The following PCDH9 variants were observed in gnomAD, a reference collection of about 807,000 sequenced individuals.
PCDH9 encodes the protein protocadherin-9.
In PCDH9, 24 loss-of-function variants were observed where a neutral mutation model predicts 70.6. That is an observed-to-expected ratio of 0.34 (90% CI 0.25 to 0.48). The LOEUF is 0.48. Among genes scored for constraint, PCDH9 ranks in the 20% least tolerant of loss-of-function variants. The probability of loss-of-function intolerance (pLI) is 0.99; values close to 1 mark genes in which losing one functional copy is unlikely to be tolerated. For missense variants in PCDH9, 1,281 were observed against 1,503.6 expected (o/e 0.85, Z 2.45); for synonymous variants, 562 against 558.5 (o/e 1.01, Z -0.09).
intron 2 of PCDH9, among the ~76,000 whole-genome samples, chr13:67,138,516 C>T (rs1036855848): frequency 6.6e-6 from 1 of 152,252 alleles, no homozygotes; most frequent in East Asian, 1.9e-4. Flanking sequence ...GAAATATCTG[C>T]TCCAGAGGGC....
At chr13:66,779,849 C>G (rs9540909) in intron 3 of PCDH9, among the ~76,000 whole-genome samples, 12 of 78,910 alleles carry the variant, frequency 1.5e-4, no homozygotes, top group African/African-American at 6.2e-4. Context: ...CTCTCTCTCT[C>G]TATATATATA....
chr13:66,860,412 C>A (rs1395381740), intron 3 of PCDH9, among the ~76,000 whole-genome samples: 4 of 152,188 alleles, frequency 2.6e-5, no homozygotes, highest in Admixed American at 2.0e-4. Flanking sequence ...TAGCTAACAC[C>A]AGTTTCCGGT....
chr13:66,818,642 G>T (rs888500928), intron 3 of PCDH9, among the ~76,000 whole-genome samples: 4 of 152,128 alleles, frequency 2.6e-5, no homozygotes, highest in African/African-American at 7.2e-5. Context: ...CTGTCAAAAA[G>T]GTGTGATGGG....
intron 2 of PCDH9, among the ~76,000 whole-genome samples, chr13:67,098,706 G>T (rs1242568110): frequency 6.6e-6 from 1 of 151,472 alleles, no homozygotes; most frequent in East Asian, 1.9e-4. Flanking sequence ...TCATTGCTTG[G>T]AAATACAAAT....
chr13:66,607,933 T>C (rs2077242005), intron 4 of PCDH9, among the ~76,000 whole-genome samples: 2 of 152,114 alleles, frequency 1.3e-5, no homozygotes, highest in Non-Finnish European at 2.9e-5. Context: ...GAATGAAATA[T>C]AGCAGATTGC....
chr13:66,917,434 A>G (rs2082574316), intron 2 of PCDH9, among the ~76,000 whole-genome samples: 2 of 151,544 alleles, frequency 1.3e-5, no homozygotes, highest in South Asian at 2.1e-4. Context: ...TTTTTGAAAC[A>G]TAACCACTAA....
chr13:67,175,693 A>C (rs1342250178), intron 2 of PCDH9, among the ~76,000 whole-genome samples: 1 of 152,188 alleles, frequency 6.6e-6, no homozygotes, highest in Non-Finnish European at 1.5e-5. Flanking sequence ...AGAGAAATGA[A>C]AACTATATCA....
intron 3 of PCDH9, among the ~76,000 whole-genome samples, 175 bp downstream of exon 3, chr13:66,903,329 G>A (rs2082307645): frequency 6.6e-6 from 1 of 151,622 alleles, no homozygotes. Flanking sequence ...TATATCGCTG[G>A]ATTTTTGTTC....
At chr13:66,630,705 C>T (rs1477866263) in intron 4 of PCDH9, 1 of 39,290 alleles carries the variant, frequency 2.5e-5, no homozygotes, top group African/African-American at 4.8e-5. Flanking sequence ...ATGATTTAAT[C>T]CTTTTTTTTT....
At chr13:66,829,057 G>A (rs2080876518) in intron 3 of PCDH9, among the ~76,000 whole-genome samples, 1 of 151,866 alleles carries the variant, frequency 6.6e-6, no homozygotes, top group African/African-American at 2.4e-5. Context: ...TTTCGCACTT[G>A]TCCAGGCTGG....
intron 2 of PCDH9, among the ~76,000 whole-genome samples, chr13:66,972,997 C>A (rs889556488): frequency 6.6e-6 from 1 of 151,968 alleles, no homozygotes; most frequent in African/African-American, 2.4e-5. Flanking sequence ...GACTTTCTTT[C>A]TTTCCCTGTT....
chr13:66,423,021 G>A (rs753095954), intron 4 of PCDH9, among the ~76,000 whole-genome samples: 7 of 151,784 alleles, frequency 4.6e-5, no homozygotes, highest in Non-Finnish European at 1.0e-4. Context: ...AAAAAATACT[G>A]TAAACACCTC....
At chr13:66,402,739 C>G (rs117560079) in intron 4 of PCDH9, among the ~76,000 whole-genome samples, 1 of 152,092 alleles carries the variant, frequency 6.6e-6, no homozygotes, top group Non-Finnish European at 1.5e-5. Context: ...CATGTTGACT[C>G]TTGACTTAGT....
At chr13:67,137,997 T>G (rs1437956419) in intron 2 of PCDH9, among the ~76,000 whole-genome samples, 1 of 152,176 alleles carries the variant, frequency 6.6e-6, no homozygotes, top group Non-Finnish European at 1.5e-5. Flanking sequence ...TAAATCATGT[T>G]CTATGACACA....
chr13:66,713,179 G>A (rs2078818539), intron 3 of PCDH9, among the ~76,000 whole-genome samples: 1 of 152,058 alleles, frequency 6.6e-6, no homozygotes, highest in South Asian at 2.1e-4. Context: ...CTTTCAGAAA[G>A]GCAGGTACAG....
intron 3 of PCDH9, among the ~76,000 whole-genome samples, chr13:66,714,715 A>T (rs754908998): frequency 6.6e-6 from 1 of 152,182 alleles, no homozygotes; most frequent in East Asian, 1.9e-4. Flanking sequence ...TGAATTTACC[A>T]TTTTATGTGG....
chr13:66,437,872 G>T (rs779875421), intron 4 of PCDH9, among the ~76,000 whole-genome samples: 2 of 152,170 alleles, frequency 1.3e-5, no homozygotes, highest in Non-Finnish European at 2.9e-5. Context: ...GTCCTAGGGG[G>T]AATTCTGGGA....
intron 4 of PCDH9, among the ~76,000 whole-genome samples, chr13:66,447,637 G>T (rs995605930): frequency 1.1e-4 from 17 of 152,146 alleles, no homozygotes; most frequent in South Asian, 8.3e-4. Context: ...TTTAAATAAA[G>T]GTTGCAAAAC....
chr13:66,538,969 ATAAAT>A (rs1644333090), intron 4 of PCDH9, among the ~76,000 whole-genome samples: 1 of 152,108 alleles, frequency 6.6e-6, no homozygotes, highest in Non-Finnish European at 1.5e-5. Context: ...AAACTTTAAA[ATAAAT>A]TATATATACA....
Sources: gnomAD v4.1 joint callset for allele counts (sites outside exome capture counted in the v4.1 genomes callset) on GRCh38, gnomAD v4.1.1 for gene constraint, MANE v1.5 for transcripts, NCBI Gene and HGNC (gene_info 2026-07-23, HGNC 2026-07-21) for gene names.